Variants in NCAPD3 observed in about 807,000 individuals in gnomAD.
NCAPD3 encodes the protein condensin-2 complex subunit D3.
A neutral mutation model predicts 182.9 loss-of-function variants in NCAPD3; 105 were observed. The ratio of observed to expected loss-of-function variants is 0.57; its 90% CI spans 0.49 to 0.68. The LOEUF (loss-of-function observed/expected upper bound fraction) is 0.68. Ranked by LOEUF, NCAPD3 falls within the 30% of genes least tolerant of loss-of-function variation. The pLI is 0.00. For missense variants in NCAPD3, 1,944 were observed against 1,837.0 expected, an observed-to-expected ratio of 1.06 and a Z score of -1.07; for synonymous variants, 815 against 679.9, an observed-to-expected ratio of 1.20 and a Z score of -3.09.
chr11:134,164,236 G>A (rs1318144864), intron 27 of NCAPD3, among the ~76,000 whole-genome samples: 2 of 152,194 alleles, frequency 1.3e-5, no homozygotes, highest in African/African-American at 4.8e-5. Flanking sequence ...AAAAGCCTCA[G>A]CCTGACACAC....
intron 32 of NCAPD3, among the ~76,000 whole-genome samples, chr11:134,156,054 C>T (rs1252317752): frequency 6.6e-6 from 1 of 152,242 alleles, no homozygotes; most frequent in Non-Finnish European, 1.5e-5. Context: ...CCTTGCTGCT[C>T]TGTTACCAGG....
At chr11:134,183,173 G>A (rs375277326) in intron 19 of NCAPD3, 2 of 456,066 alleles carry the variant, frequency 4.4e-6, no homozygotes, top group East Asian at 6.9e-5. Context: ...AGAAAATTAG[G>A]AAAAAGTCAG....
chr11:134,198,679 G>C (rs981988038), intron 13 of NCAPD3, among the ~76,000 whole-genome samples: 3 of 152,212 alleles, frequency 2.0e-5, no homozygotes, highest in Non-Finnish European at 2.9e-5. Context: ...TCTATTTACA[G>C]ATGACTTGTT....
At chr11:134,210,010 T>C (rs1441934265) in intron 4 of NCAPD3, among the ~76,000 whole-genome samples, 4 of 151,920 alleles carry the variant, frequency 2.6e-5, no homozygotes, top group Non-Finnish European at 4.4e-5. Flanking sequence ...GAGCTGAGAC[T>C]GCACCACTGC....
intron 30 of NCAPD3, 115 bp downstream of exon 30, chr11:134,158,214 T>G: frequency 6.5e-7 from 1 of 1,528,740 alleles, no homozygotes; most frequent in Non-Finnish European, 8.9e-7. Context: ...TGGAGCGGGG[T>G]GGCAGGCCAG....
In NCAPD3 at chr11:134,150,904, C is replaced by T. The variant is rs779290885; in HGVS notation, c.*2040G>A. ...AGGCCTGGCGGGGAGGAAAGTGAAA[C>T]GCCTGAATCAAAAGCAGTTTTCTAA... is the stretch of plus-strand genomic sequence containing the variant. On this transcript the variant is annotated 3_prime_UTR_variant, in exon 35 of 35. Coordinates refer to ENST00000534548, the MANE Select transcript of NCAPD3 (RefSeq NM_015261.3). The T allele has an allele frequency of 7.2e-5, 11 of 152,128 alleles. No homozygotes were observed. Among genetic ancestry groups the T allele is most frequent in the African/African-American group, 1.2e-4 (5 of 41,408 alleles). 9.4% of individuals were successfully genotyped at this position (152,128 alleles called of 1,614,324 possible). A position where few individuals can be genotyped will look rare whatever the true frequency, so the allele number is the denominator to read the frequency against.
intron 1 of NCAPD3, among the ~76,000 whole-genome samples, chr11:134,221,363 C>CT (rs955175897): frequency 6.6e-4 from 96 of 146,190 alleles, no homozygotes; most frequent in African/African-American, 1.2e-3. Context: ...TTTTCTTTTT[C>CT]TTTTTTTTTT....
chr11:134,204,038 T>C lies in NCAPD3; in HGVS notation c.1215+8A>G, dbSNP rs1361561909. ...GGACCCAAGGTTTTATGCAGAGCTA[T>C]CTCCTACCTTGGAACTTCGGGAGTA... On this transcript the variant is annotated splice_region_variant and intron_variant, in intron 10 of 34. Transcript: ENST00000534548. The surrounding 1 kb of genome is among the most constrained non-coding windows in gnomAD (Gnocchi z 4.3). 9 of 1,614,010 alleles carry C rather than the reference T, an allele frequency of 5.6e-6. No homozygotes were observed. Among genetic ancestry groups the C allele is most frequent in the Non-Finnish European group, 6.8e-6 (8 of 1,179,962 alleles).
intron 14 of NCAPD3, 90 bp from the exon 15 acceptor site, chr11:134,194,240 T>C: frequency 7.3e-7 from 1 of 1,366,048 alleles, no homozygotes; most frequent in South Asian, 1.5e-5. Flanking sequence ...TCCTTTAAGT[T>C]TGTGGTTCTT....
chr11:134,222,894 C>A (rs1226081754), intron 1 of NCAPD3, among the ~76,000 whole-genome samples: 1 of 152,186 alleles, frequency 6.6e-6, no homozygotes, highest in Non-Finnish European at 1.5e-5. Context: ...GTGGCAAGTA[C>A]AAATTTATCT....
chr11:134,163,701 A>G (rs1364533741), intron 27 of NCAPD3, among the ~76,000 whole-genome samples: 1 of 77,056 alleles, frequency 1.3e-5, no homozygotes, highest in Non-Finnish European at 2.5e-5. Flanking sequence ...ACTGTGTCTC[A>G]AAAAAAAAAA....
rs1366307603 is a variant in NCAPD3 at position 134,155,504 on chromosome 11, C to T, written c.4252+1514G>A. Among the ~76,000 whole-genome samples the T allele has an allele frequency of 2.0e-5, 3 of 152,298 alleles. No individual in the cohort carries two copies. The East Asian group carries it at 5.8e-4, about 29-fold the overall frequency. On this transcript the variant is annotated intron_variant, in intron 32 of 34. Transcript: ENST00000534548. ...AGCAAGAACAAGTACTCTACCAACTCAATGACACCGGGCGCCTGATTTCCA... is the reference window on the plus strand; with the variant it reads ...AGCAAGAACAAGTACTCTACCAACTTAATGACACCGGGCGCCTGATTTCCA...
intron 32 of NCAPD3, among the ~76,000 whole-genome samples, chr11:134,155,422 TATAA>T (rs1191936314): frequency 6.6e-6 from 1 of 152,096 alleles, no homozygotes; most frequent in African/African-American, 2.4e-5. Context: ...CCTGGTTCAG[TATAA>T]AGAGAGACGG....
intron 24 of NCAPD3, among the ~76,000 whole-genome samples, chr11:134,172,173 G>A (rs942605780): frequency 1.3e-5 from 2 of 152,284 alleles, no homozygotes; most frequent in Admixed American, 6.5e-5. Context: ...CCCACCATCT[G>A]CCTCTTGCGC....
chr11:134,223,542 C>T (rs967800549), intron 1 of NCAPD3: 2 of 700,582 alleles, frequency 2.9e-6, no homozygotes, highest in Non-Finnish European at 5.2e-6. Context: ...CAATTTAAAA[C>T]CATCTTAATA....
chr11:134,177,089 C>A, intron 23 of NCAPD3, 130 bp downstream of exon 23: 1 of 712,158 alleles, frequency 1.4e-6, no homozygotes, highest in Non-Finnish European at 2.4e-6. Flanking sequence ...AGTAAAACTC[C>A]AGACCAGAGA....
chr11:134,213,600 G>A (rs558851494), intron 3 of NCAPD3, among the ~76,000 whole-genome samples: 1 of 150,774 alleles, frequency 6.6e-6, no homozygotes, highest in South Asian at 2.1e-4. Context: ...CTACAGGTGT[G>A]AGCCACCGTG....
At chr11:134,224,391 A>G (rs1938369942), upstream of NCAPD3, 2 of 206,906 alleles carry the variant, frequency 9.7e-6, no homozygotes, top group African/African-American at 4.7e-5. Context: ...CCCAACGTGT[A>G]TCGAGCTAAA....
chr11:134,184,847 ACAC>A, intron 18 of NCAPD3, 53 bp downstream of exon 18: 7 of 1,391,556 alleles, frequency 5.0e-6, no homozygotes, highest in East Asian at 2.3e-5. Context: ...ACACACACAC[ACAC>A]CTGAAATGAA....
Sources: gnomAD v4.1 joint callset for allele counts (sites outside exome capture counted in the v4.1 genomes callset) on GRCh38, gnomAD v4.1.1 for gene constraint, Gnocchi (gnomAD v3.1) non-coding constraint, MANE v1.5 for transcripts, NCBI Gene and HGNC (gene_info 2026-07-23, HGNC 2026-07-21) for gene names.